HADHB: variants seen among roughly 807,000 people sequenced by gnomAD.
HADHB encodes the protein hydroxyacyl-CoA dehydrogenase trifunctional multienzyme complex subunit beta, also known as trifunctional enzyme subunit beta, mitochondrial.
In HADHB, 50 loss-of-function variants were observed where a neutral mutation model predicts 61.9. The ratio of observed to expected loss-of-function variants is 0.81; its 90% CI spans 0.64 to 1.02. The LOEUF (loss-of-function observed/expected upper bound fraction) is 1.02, where lower values mean the gene tolerates loss of function less well. Among genes scored for constraint, HADHB ranks in the 50% least tolerant of loss-of-function variants. The pLI is 0.00. For missense variants in HADHB, 504 were observed against 586.5 expected (o/e 0.86, Z 1.45); for synonymous variants, 191 against 201.6 (o/e 0.95, Z 0.45).
Position 26,290,094 on chromosome 2 carries a change from C to T in HADHB, c.*141C>T, listed in dbSNP as rs1243498710. Reference sequence around the variant, plus strand: ...TTGTGGCCTTCTATTAAATAGTTTGCACTTAAGCCTTGCCAGTGTTCTGAG... The same window carrying T: ...TTGTGGCCTTCTATTAAATAGTTTGTACTTAAGCCTTGCCAGTGTTCTGAG... On this transcript the variant is annotated 3_prime_UTR_variant, in exon 16 of 16. Coordinates refer to ENST00000317799, the MANE Select transcript of HADHB (RefSeq NM_000183.3). 5.4e-6 allele frequency: 4 copies of T among 745,910 alleles called. No homozygotes were observed. The highest frequency in any genetic ancestry group is 9.8e-6 in the Non-Finnish European group (4 of 408,444). The allele number at this position is 745,910 out of a possible 1,614,324, so 46.2% of individuals were successfully genotyped here.
At chr2:26,247,778 C>T (rs1671224770) in intron 1 of HADHB, among the ~76,000 whole-genome samples, 1 of 152,128 alleles carries the variant, frequency 6.6e-6, no homozygotes, top group Non-Finnish European at 1.5e-5. Flanking sequence ...TTAGAGTATG[C>T]ATGAGGATGT....
intron 3 of HADHB, among the ~76,000 whole-genome samples, 162 bp from the exon 4 acceptor site, chr2:26,263,218 G>T (rs1419219057): frequency 2.6e-5 from 4 of 151,304 alleles, no homozygotes; most frequent in Non-Finnish European, 5.9e-5. Flanking sequence ...AGAATTGCTT[G>T]AATCCGGGAG....
At chr2:26,287,726 G>A (rs796232119) in intron 15 of HADHB, among the ~76,000 whole-genome samples, 2 of 152,310 alleles carry the variant, frequency 1.3e-5, no homozygotes, top group African/African-American at 4.8e-5. Context: ...CCATCGTGGT[G>A]AATCTAGAGC....
In HADHB at chr2:26,290,064, A is replaced by C. The variant is rs1673201849; in HGVS notation, c.*111A>C. 4.9e-6 allele frequency: 4 copies of C among 818,724 alleles called. No individual in the cohort carries two copies. In the Admixed American group the frequency reaches 6.8e-5, roughly 14 times the overall value. 50.7% of individuals were successfully genotyped at this position (818,724 alleles called of 1,614,324 possible). Reference sequence around the variant, plus strand: ...AGTTCCTAGCTCCTCTTAGGAAAACAGTTCTTGTGGCCTTCTATTAAATAG... The same window carrying C: ...AGTTCCTAGCTCCTCTTAGGAAAACCGTTCTTGTGGCCTTCTATTAAATAG... On this transcript the variant is annotated 3_prime_UTR_variant, in exon 16 of 16. Coordinates refer to ENST00000317799, the MANE Select transcript of HADHB (RefSeq NM_000183.3).
chr2:26,245,270 GTGT>G (rs1671088932), intron 1 of HADHB: 1 of 171,566 alleles, frequency 5.8e-6, no homozygotes. Flanking sequence ...GGGGGTGTGT[GTGT>G]GTGTGTGGGT....
At chr2:26,253,254 T>C (rs1482247774) in intron 1 of HADHB, among the ~76,000 whole-genome samples, 4 of 152,042 alleles carry the variant, frequency 2.6e-5, no homozygotes, top group Non-Finnish European at 4.4e-5. Flanking sequence ...TATTATATGT[T>C]TTACTTTTTT....
chr2:26,278,228 A>G (rs537126442), intron 7 of HADHB, among the ~76,000 whole-genome samples: 2 of 152,356 alleles, frequency 1.3e-5, no homozygotes, highest in East Asian at 3.9e-4. Flanking sequence ...TTACGTTTCA[A>G]CAGCTGTAAT....
intron 3 of HADHB, among the ~76,000 whole-genome samples, chr2:26,255,806 AAT>A (rs1671585774): frequency 6.6e-6 from 1 of 152,246 alleles, no homozygotes; most frequent in South Asian, 2.1e-4. Context: ...TCATATAACA[AAT>A]ATATTTCCTG....
At chr2:26,252,539 T>C (rs963807246) in intron 1 of HADHB, among the ~76,000 whole-genome samples, 5 of 152,216 alleles carry the variant, frequency 3.3e-5, no homozygotes, top group African/African-American at 1.2e-4. Flanking sequence ...TTTATACTGA[T>C]ACAAGGAAAT....
chr2:26,284,556 A>T (rs139983336), intron 13 of HADHB, among the ~76,000 whole-genome samples: 253 of 149,920 alleles, frequency 1.7e-3, no homozygotes, highest in Admixed American at 8.8e-3. Context: ...TCCGCCTTCC[A>T]GGTTCAAGCA....
rs761005966 is a variant in HADHB at position 26,273,749 on chromosome 2, A to T, written c.353A>T (p.Glu118Val). The part of the protein sequence containing the change: ...QEVKTSNVAR[E>V]AALGAGFSDK... The stretch of plus-strand genomic sequence containing the variant: ...GTGAAAACAAGCAATGTGGCTAGAG[A>T]GGTGAGTAAAACAAACTTTATGTTG... Residue 118 changes from glutamate (E) to valine (V), a missense_variant and splice_region_variant, in exon 6 of 16, where the codon GAG becomes GTG. Glu to Val is a moderately radical substitution (Grantham distance 121). Coordinates refer to ENST00000317799, the MANE Select transcript of HADHB (RefSeq NM_000183.3). 3.6e-5 allele frequency: 55 copies of T among 1,518,716 alleles called. No individual in the cohort carries two copies. Among genetic ancestry groups the T allele is most frequent in the Non-Finnish European group, 4.8e-5 (52 of 1,093,132 alleles). The allele number at this position is 1,518,716 out of a possible 1,614,324, so 94.1% of individuals were successfully genotyped here.
Position 26,270,008 on chromosome 2 carries a change from G to A in HADHB, c.254+11G>A, listed in dbSNP as rs777702667. 17 of 1,568,552 alleles carry A rather than the reference G, an allele frequency of 1.1e-5. No individual in the cohort carries two copies. The highest frequency in any genetic ancestry group is 1.5e-5 in the Non-Finnish European group (17 of 1,138,626). ...TAGAGCAGCGCTTACGTAAGTAAATGCAGTTTCATTTCCGTTCTTATTTCA... is the reference window on the plus strand; with the variant it reads ...TAGAGCAGCGCTTACGTAAGTAAATACAGTTTCATTTCCGTTCTTATTTCA... On this transcript the variant is annotated intron_variant, in intron 5 of 15. Coordinates refer to ENST00000317799, the MANE Select transcript of HADHB (RefSeq NM_000183.3).
chr2:26,259,438 A>C (rs1332286039), intron 3 of HADHB, among the ~76,000 whole-genome samples: 5 of 152,154 alleles, frequency 3.3e-5, no homozygotes, highest in Non-Finnish European at 5.9e-5. Flanking sequence ...TCTTGCATGG[A>C]TGATCAAAGA....
At chr2:26,272,512 AT>A (rs1176036427) in intron 5 of HADHB, among the ~76,000 whole-genome samples, 6 of 151,338 alleles carry the variant, frequency 4.0e-5, no homozygotes, top group Admixed American at 1.3e-4. Context: ...GTCTTGGCTA[AT>A]TTTTTTTGTA....
chr2:26,290,117 G>A lies in HADHB; in HGVS notation c.*164G>A. The A allele has an allele frequency of 1.5e-6, 1 of 687,028 alleles. No individual in the cohort carries two copies. Among genetic ancestry groups the A allele is most frequent in the Non-Finnish European group, 2.7e-6 (1 of 377,272 alleles). 42.6% of individuals were successfully genotyped at this position (687,028 alleles called of 1,614,324 possible). On this transcript the variant is annotated 3_prime_UTR_variant, in exon 16 of 16. Transcript: ENST00000317799. ...TGCACTTAAGCCTTGCCAGTGTTCT[G>A]AGCTTTTCAATAATCAGTTTACTGC...
At chr2:26,262,997 A>G (rs759380176) in intron 3 of HADHB, among the ~76,000 whole-genome samples, 2 of 152,132 alleles carry the variant, frequency 1.3e-5, no homozygotes, top group Non-Finnish European at 2.9e-5. Flanking sequence ...TAGAATGACT[A>G]TCTTAAAAAA....
At position 26,289,927 on chromosome 2, in the gene HADHB, A is replaced by C. The variant is rs1323896748; in HGVS notation, c.1399A>C (p.Met467Leu). ...TTTGTTTTCTTTACAGGGCCATGCT[A>C]TGATAGTGGAAGCTTATCCAAAATA... ...ACAAGGQGHA[M>L]IVEAYPK The change falls in exon 16 of 16, where the codon ATG becomes CTG. Residue 467 changes from methionine to leucine, a missense_variant. By Grantham distance (15) the Met-to-Leu change is conservative. Transcript: ENST00000317799. 1 of 1,608,178 alleles carries C rather than the reference A, an allele frequency of 6.2e-7. No individual in the cohort carries two copies. The highest frequency in any genetic ancestry group is 1.7e-5 in the Admixed American group (1 of 60,018).
At chr2:26,261,354 G>A in intron 3 of HADHB, 1 of 261,656 alleles carries the variant, frequency 3.8e-6, no homozygotes, top group Non-Finnish European at 7.3e-6. Context: ...TGTATTCTAA[G>A]CTTCAATATT....
chr2:26,263,957 C>G (rs1481248271), intron 4 of HADHB, among the ~76,000 whole-genome samples: 1 of 152,124 alleles, frequency 6.6e-6, no homozygotes, highest in Non-Finnish European at 1.5e-5. Flanking sequence ...CCAGAATGGT[C>G]CTAGACCAGC....
Sources: gnomAD v4.1 joint callset for allele counts (sites outside exome capture counted in the v4.1 genomes callset) on GRCh38, gnomAD v4.1.1 for gene constraint, MANE v1.5 for transcripts, NCBI Gene and HGNC (gene_info 2026-07-23, HGNC 2026-07-21) for gene names.